UTP18: variants seen among roughly 807,000 people sequenced by gnomAD.
The protein encoded by UTP18 is UTP18 small subunit processome component, also known as U3 small nucleolar RNA-associated protein 18 homolog.
UTP18 carries 36 observed loss-of-function variants against 61.1 expected under a neutral mutation model. That is an observed-to-expected ratio of 0.59 (90% confidence interval 0.45 to 0.78). The LOEUF (loss-of-function observed/expected upper bound fraction) is 0.78, where lower values mean the gene tolerates loss of function less well. UTP18 is among the 30% of genes least tolerant of loss of function. The pLI is 0.00. For synonymous variants in UTP18, 282 were observed against 251.1 expected, an observed-to-expected ratio of 1.12 and a Z score of -1.16; for missense variants, 753 against 693.9, an observed-to-expected ratio of 1.09 and a Z score of -0.96.
chr17:51,261,031 CG>C, intron 1 of UTP18, 105 bp downstream of exon 1: 1 of 1,105,056 alleles, frequency 9.0e-7, no homozygotes. Context: ...CGGCGGGGAG[CG>C]CTCAGGTGGG....
At chr17:51,286,978 T>TCCCCCCCCCCCCCCCC (rs11397806) in intron 10 of UTP18, among the ~76,000 whole-genome samples, 11 of 123,462 alleles carry the variant, frequency 8.9e-5, no homozygotes, top group African/African-American at 1.1e-4. Context: ...CCCTCCCCCT[T>TCCCCCCCCCCCCCCCC]CCCCCCCCGA....
intron 2 of UTP18, 23 bp downstream of exon 2, chr17:51,263,409 T>C (rs1218752243): frequency 1.9e-6 from 3 of 1,554,460 alleles, no homozygotes. Context: ...ACTTTTCTTC[T>C]GAATCCCTCT....
chr17:51,282,243 T>C (rs1255345561), intron 9 of UTP18, among the ~76,000 whole-genome samples: 2 of 152,226 alleles, frequency 1.3e-5, no homozygotes, highest in African/African-American at 4.8e-5. Flanking sequence ...GAGCATTTGG[T>C]AATATAACAT....
At chr17:51,288,423 C>T (rs1905167640) in intron 11 of UTP18, 1 of 516,156 alleles carries the variant, frequency 1.9e-6, no homozygotes, top group Admixed American at 3.0e-5. Context: ...CTTTGCTGTC[C>T]ATTCTCACCA....
chr17:51,295,844 G>A (rs79436337), intron 12 of UTP18, among the ~76,000 whole-genome samples: 1 of 151,932 alleles, frequency 6.6e-6, no homozygotes, highest in Admixed American at 6.6e-5. Flanking sequence ...AACTTCACCT[G>A]GGGAATATAT....
chr17:51,270,103 A>T (rs2144402985), intron 4 of UTP18, among the ~76,000 whole-genome samples: 1 of 152,242 alleles, frequency 6.6e-6, no homozygotes, highest in Admixed American at 6.5e-5. Context: ...AAGTGTTGGG[A>T]TTACAGGCAT....
In UTP18 at chr17:51,260,842, C is replaced by G. The variant is rs539338182; in HGVS notation, c.258C>G (p.Ala86=). ...TGAGGCTGGAGGAGGACAAACCGGC[C>G]GTGGAGCGGTGCTTGGAGGAGCTGG... ...NRLRLEEDKP[A]VERCLEELVF... The change falls in exon 1 of 14, where the codon GCC becomes GCG. Residue 86 remains alanine, a synonymous_variant. Coordinates refer to ENST00000225298, the MANE Select transcript of UTP18 (RefSeq NM_016001.3). 4 of 1,599,772 alleles carry G rather than the reference C, an allele frequency of 2.5e-6. No homozygotes were observed. In the African/African-American group the frequency reaches 4.0e-5, roughly 16 times the overall value.
chr17:51,274,595 C>T (rs1904651498), intron 5 of UTP18, among the ~76,000 whole-genome samples: 1 of 152,022 alleles, frequency 6.6e-6, no homozygotes, highest in South Asian at 2.1e-4. Context: ...GCATGCACCA[C>T]CATGCCTGGC....
chr17:51,290,381 A>C (rs1299400299), intron 11 of UTP18, among the ~76,000 whole-genome samples: 1 of 152,080 alleles, frequency 6.6e-6, no homozygotes, highest in Admixed American at 6.6e-5. Flanking sequence ...GTGCCTCTGT[A>C]CTCCAGCCTG....
intron 9 of UTP18, among the ~76,000 whole-genome samples, chr17:51,281,164 A>ATATATATATATAT (rs59857038): frequency 4.3e-5 from 6 of 140,434 alleles, no homozygotes; most frequent in Admixed American, 7.1e-5. Context: ...ATATATATAT[A>ATATATATATATAT]TTTTTTTTAA....
At chr17:51,287,073 A>G (rs8078941) in intron 10 of UTP18, among the ~76,000 whole-genome samples, 58,641 of 150,922 alleles carry the variant, frequency 0.39, 12,913 homozygotes, top group East Asian at 0.6. Flanking sequence ...ATATGGGGCA[A>G]GAAAAACTGC....
At chr17:51,269,013 T>C (rs1904408417) in intron 4 of UTP18, 109 bp downstream of exon 4, 3 of 1,123,866 alleles carry the variant, frequency 2.7e-6, no homozygotes, top group African/African-American at 3.1e-5. Flanking sequence ...CTTGCCTGGC[T>C]CGGTAGCTCA....
chr17:51,276,336 A>T (rs560178519), intron 6 of UTP18, among the ~76,000 whole-genome samples: 5 of 152,306 alleles, frequency 3.3e-5, no homozygotes, highest in African/African-American at 9.6e-5. Flanking sequence ...TGTACAAGGA[A>T]CCATAATAAT....
chr17:51,260,652 C>T lies in UTP18; in HGVS notation c.68C>T (p.Pro23Leu), dbSNP rs1306386095. 4 of 1,612,308 alleles carry T rather than the reference C, an allele frequency of 2.5e-6. No homozygotes were observed. In the African/African-American group the frequency reaches 4.0e-5, roughly 16 times the overall value. ...ACCGGAGCGAAGCCGAAGCGGAAGC[C>T]CGGAATGAGGCCGGACTGGAAAGCC... ...RRTGAKPKRKPGMRPDWKAGA... is the reference protein window; with the variant it reads ...RRTGAKPKRKLGMRPDWKAGA... Residue 23 changes from proline (P) to leucine (L), a missense_variant, in exon 1 of 14, where the codon CCC (proline) becomes CTC (leucine). Pro to Leu is a moderately conservative substitution (Grantham distance 98, BLOSUM62 -3). Coordinates refer to ENST00000225298, the MANE Select transcript of UTP18 (RefSeq NM_016001.3).
intron 11 of UTP18, 121 bp downstream of exon 11, chr17:51,288,324 G>A (rs1399612193): frequency 9.8e-7 from 1 of 1,018,290 alleles, no homozygotes; most frequent in Non-Finnish European, 1.4e-6. Context: ...TTTGATATAG[G>A]AATTATTAGT....
chr17:51,290,057 T>C (rs1361216568), intron 11 of UTP18, among the ~76,000 whole-genome samples: 1 of 152,318 alleles, frequency 6.6e-6, no homozygotes, highest in South Asian at 2.1e-4. Context: ...ACTTGTATCA[T>C]GTAGAGCAGT....
rs377163872 is a variant in UTP18 at position 51,277,270 on chromosome 17, G to C, written c.978G>C (p.Leu326=). The change falls in exon 7 of 14, where the codon CTG becomes CTC. Residue 326 remains leucine, a synonymous_variant. Coordinates refer to ENST00000225298, the MANE Select transcript of UTP18 (RefSeq NM_016001.3). ...HSKVLYVYDM[L]AGKLIPVHQV... is the part of the protein sequence containing the mutation. ...AGGTTCTTTATGTCTATGACATGCT[G>C]GCTGGAAAGTTAATTCCTGTGCATC... The C allele has an allele frequency of 2.4e-5, 38 of 1,613,978 alleles. No homozygotes were observed. The highest frequency in any genetic ancestry group is 3.2e-5 in the Non-Finnish European group (38 of 1,179,994).
chr17:51,265,255 T>G (rs2144393361), intron 2 of UTP18, among the ~76,000 whole-genome samples: 1 of 152,106 alleles, frequency 6.6e-6, no homozygotes, highest in East Asian at 1.9e-4. Context: ...CATAGTATTT[T>G]AAGGTTTGCT....
chr17:51,269,838 ATTGT>A (rs764938645), intron 4 of UTP18, among the ~76,000 whole-genome samples: 3,469 of 115,288 alleles, frequency 0.03, 60 homozygotes, highest in Non-Finnish European at 0.045. Flanking sequence ...CAAATAATGT[ATTGT>A]GTGTGTGTGT....
Sources: gnomAD v4.1 joint callset for allele counts (sites outside exome capture counted in the v4.1 genomes callset) on GRCh38, gnomAD v4.1.1 for gene constraint, MANE v1.5 for transcripts, NCBI Gene and HGNC (gene_info 2026-07-23, HGNC 2026-07-21) for gene names.